Variants in ECHDC2 observed in about 807,000 individuals in gnomAD.
ECHDC2 encodes the protein enoyl-CoA hydratase domain containing 2.
Under a neutral mutation model 40.6 loss-of-function variants are expected in ECHDC2, and 34 were observed. The ratio of observed to expected loss-of-function variants is 0.84; its 90% CI spans 0.64 to 1.11. The LOEUF (loss-of-function observed/expected upper bound fraction) is 1.11, where lower values mean the gene tolerates loss of function less well. Among genes scored for constraint, ECHDC2 ranks in the 50% most tolerant of loss-of-function variants. ECHDC2 has a pLI of 0.00. For missense variants in ECHDC2, 392 were observed against 400.7 expected (o/e 0.98, Z 0.19); for synonymous variants, 162 against 166.6 (o/e 0.97, Z 0.21).
intron 1 of ECHDC2, chr1:52,912,047 C>T: frequency 1.4e-6 from 2 of 1,399,544 alleles, no homozygotes; most frequent in Non-Finnish European, 1.9e-6. Context: ...GGGAGAGGAA[C>T]AACAGTGACT....
chr1:52,911,685 C>G, intron 2 of ECHDC2, 32 bp from the exon 3 acceptor site: 1 of 1,614,210 alleles, frequency 6.2e-7, no homozygotes, highest in Non-Finnish European at 8.5e-7. Context: ...ATAGTGCCAG[C>G]CCATCCCCAG....
intron 1 of ECHDC2, chr1:52,912,079 TTCTGCTGTTGTTAGACAG>T: frequency 7.4e-7 from 1 of 1,352,990 alleles, no homozygotes; most frequent in Non-Finnish European, 9.5e-7. Flanking sequence ...CCTTGCCTGC[TTCTGCTGTTGTTAGACAG>T]ACAGACACAC....
intron 7 of ECHDC2, 180 bp from the exon 8 acceptor site, chr1:52,899,404 A>G (rs924034735): frequency 1.1e-5 from 7 of 619,244 alleles, no homozygotes; most frequent in Non-Finnish European, 2.0e-5. Flanking sequence ...TTTTTCTATC[A>G]TGAAAGAAGC....
At chr1:52,903,410 T>A (rs549454432) in intron 7 of ECHDC2, among the ~76,000 whole-genome samples, 34 of 152,224 alleles carry the variant, frequency 2.2e-4, no homozygotes, top group African/African-American at 7.7e-4. Context: ...AGGATTTTTT[T>A]AATGAGGGGT....
intron 4 of ECHDC2, chr1:52,906,878 C>T: frequency 4.4e-6 from 1 of 228,700 alleles, no homozygotes; most frequent in Non-Finnish European, 8.5e-6. Context: ...GATTCTCTTG[C>T]CTCAACCTCC....
At chr1:52,901,875 C>A (rs1049716286) in intron 7 of ECHDC2, 2 of 152,054 alleles carry the variant, frequency 1.3e-5, no homozygotes, top group African/African-American at 4.8e-5. Context: ...GTCTACAGGT[C>A]TAGATATGAA....
chr1:52,916,432 A>G (rs1026821228), intron 1 of ECHDC2, among the ~76,000 whole-genome samples: 13 of 152,242 alleles, frequency 8.5e-5, no homozygotes, highest in Admixed American at 7.9e-4. Flanking sequence ...TCAGCCACAC[A>G]CCAGCCCCAT....
chr1:52,901,744 C>A (rs76338491), intron 7 of ECHDC2: 1 of 152,110 alleles, frequency 6.6e-6, no homozygotes, highest in Non-Finnish European at 1.5e-5. Flanking sequence ...TTTTGGTATA[C>A]AAAGCTACTT....
At chr1:52,898,802 C>CATCA (rs747640312) in intron 8 of ECHDC2, 79 of 340,118 alleles carry the variant, frequency 2.3e-4, no homozygotes, top group Non-Finnish European at 3.7e-4. Context: ...ACACCCAAGG[C>CATCA]ATCACCCCAA....
intron 1 of ECHDC2, 68 bp downstream of exon 1, chr1:52,921,485 G>A (rs769290431): frequency 5.2e-6 from 8 of 1,531,764 alleles, no homozygotes; most frequent in Admixed American, 4.1e-5. Flanking sequence ...CGGCCCACCT[G>A]CCGGTCCCCC....
chr1:52,902,749 C>CT (rs1057440949), intron 7 of ECHDC2, among the ~76,000 whole-genome samples: 3 of 151,442 alleles, frequency 2.0e-5, no homozygotes, highest in Non-Finnish European at 4.4e-5. Context: ...CTTAAAATAC[C>CT]TTTTTTATAT....
chr1:52,921,613 A>G lies in ECHDC2; in HGVS notation c.61T>C (p.Ser21Pro), dbSNP rs1651922785. 1 of 1,601,186 alleles carries G rather than the reference A, an allele frequency of 6.2e-7. No individual in the cohort carries two copies. The highest frequency in any genetic ancestry group is 8.5e-7 in the Non-Finnish European group (1 of 1,174,732). Residue 21 changes from serine (S) to proline (P), a missense_variant, in exon 1 of 10, where the codon TCC becomes CCC. By Grantham distance (74) the Ser-to-Pro change is moderately conservative (BLOSUM62 -1). Coordinates refer to ENST00000371522, the MANE Select transcript of ECHDC2 (RefSeq NM_001198961.2). ...WRPLRARGCA[S>P]DGAAGGSEIQ... Reference sequence around the variant, plus strand: ...TCTGAGCCCCCGGCCGCCCCGTCGGAAGCGCAGCCGCGGGCCCGAAGGGGC... The same window carrying G: ...TCTGAGCCCCCGGCCGCCCCGTCGGGAGCGCAGCCGCGGGCCCGAAGGGGC...
chr1:52,896,438 G>T lies in ECHDC2; in HGVS notation c.*82C>A. On this transcript the variant is annotated 3_prime_UTR_variant, in exon 10 of 10. Transcript: ENST00000371522. ...TGGAAGTCTGGAGAGGTGAAATGAT[G>T]AAGGCAATCTGGCCACAAATCTTCC... 9.1e-7 allele frequency: 1 copy of T among 1,095,900 alleles called. No homozygotes were observed. 67.9% of individuals were successfully genotyped at this position (1,095,900 alleles called of 1,614,324 possible).
rs779831091 is a variant in ECHDC2, at chr1:52,914,127, T to C, written c.122-2337A>G. ...GGGAAGACAGACATTAAATAATTAC[T>C]ATTTGTGAGGAGAACTTGGAGAAAA... On this transcript the variant is annotated intron_variant, in intron 1 of 9. Transcript: ENST00000371522. The surrounding 1 kb of genome is among the most constrained non-coding windows in gnomAD (Gnocchi z 4.0). 1 of 499,222 alleles carries C rather than the reference T, an allele frequency of 2.0e-6. No individual in the cohort carries two copies. The highest frequency in any genetic ancestry group is 6.9e-5 in the East Asian group (1 of 14,570). The allele number at this position is 499,222 out of a possible 1,614,324, so 30.9% of individuals were successfully genotyped here. A position where few individuals can be genotyped will look rare whatever the true frequency, so the allele number is the denominator to read the frequency against.
chr1:52,913,938 C>T, intron 1 of ECHDC2: 1 of 1,165,724 alleles, frequency 8.6e-7, no homozygotes, highest in Non-Finnish European at 1.1e-6. Flanking sequence ...TTCTCTTCTG[C>T]CCAATTATTT....
intron 1 of ECHDC2, among the ~76,000 whole-genome samples, chr1:52,916,296 T>G (rs1650644288): frequency 6.6e-6 from 1 of 152,192 alleles, no homozygotes; most frequent in Non-Finnish European, 1.5e-5. Context: ...TGCTTTCCTG[T>G]TCTTTCCTTC....
At chr1:52,915,659 A>C (rs1650519587) in intron 1 of ECHDC2, among the ~76,000 whole-genome samples, 1 of 152,030 alleles carries the variant, frequency 6.6e-6, no homozygotes, top group African/African-American at 2.4e-5. Flanking sequence ...ACCCCCACAA[A>C]CTTCAGAGCA....
intron 1 of ECHDC2, among the ~76,000 whole-genome samples, chr1:52,918,082 C>T (rs1325110554): frequency 2.6e-5 from 4 of 152,158 alleles, no homozygotes; most frequent in Non-Finnish European, 5.9e-5. Flanking sequence ...TTGCAAATAT[C>T]AGGAATCCTT....
intron 3 of ECHDC2, among the ~76,000 whole-genome samples, chr1:52,911,352 G>A (rs1649438187): frequency 1.3e-5 from 2 of 152,102 alleles, no homozygotes; most frequent in East Asian, 3.9e-4. Context: ...AAGATCTAAG[G>A]GTTAGAGAGG....
Sources: gnomAD v4.1 joint callset for allele counts (sites outside exome capture counted in the v4.1 genomes callset) on GRCh38, gnomAD v4.1.1 for gene constraint, Gnocchi (gnomAD v3.1) non-coding constraint, MANE v1.5 for transcripts, NCBI Gene and HGNC (gene_info 2026-07-23, HGNC 2026-07-21) for gene names.